The following TALDO1 variants were observed in gnomAD, a reference collection of about 807,000 sequenced individuals.
The protein encoded by TALDO1 is transaldolase 1.
Under a neutral mutation model 38.1 loss-of-function variants are expected in TALDO1, and 29 were observed. That is an observed-to-expected ratio of 0.76 (90% CI 0.57 to 1.04). The LOEUF (loss-of-function observed/expected upper bound fraction) is 1.04. Ranked by LOEUF, TALDO1 falls within the 50% of genes least tolerant of loss-of-function variation. The probability of loss-of-function intolerance (pLI) is 0.00; values close to 1 mark genes in which losing one functional copy is unlikely to be tolerated. For synonymous variants in TALDO1, 207 were observed against 176.8 expected, an observed-to-expected ratio of 1.17 and a Z score of -1.36; for missense variants, 499 against 438.1, an observed-to-expected ratio of 1.14 and a Z score of -1.24.
chr11:755,936 C>T lies in TALDO1; in HGVS notation c.155C>T (p.Ala52Val). 6.2e-7 allele frequency: 1 copy of T among 1,614,154 alleles called. No homozygotes were observed. Among genetic ancestry groups the T allele is most frequent in the Non-Finnish European group, 8.5e-7 (1 of 1,180,018 alleles). ...ACCAACCCGTCCCTGATCCTGGCCG[C>T]AGCACAGATGCCCGCTTACCAGGAG... ...ATTNPSLILA[A>V]AQMPAYQELV... The change falls in exon 2 of 8, where the codon GCA becomes GTA. Residue 52 changes from alanine to valine, a missense_variant. Physicochemically the swap from Ala to Val is moderately conservative, Grantham distance 64. Transcript: ENST00000319006.
At chr11:761,931 C>T (rs1011970897) in intron 4 of TALDO1, among the ~76,000 whole-genome samples, 4 of 151,804 alleles carry the variant, frequency 2.6e-5, no homozygotes, top group African/African-American at 9.7e-5. Context: ...GGATTATAGG[C>T]ATGAGCCATT....
At chr11:763,182 T>TTCACCTGCCCCGCCC (rs751178139) in intron 4 of TALDO1, among the ~76,000 whole-genome samples, 162 bp from the exon 5 acceptor site, 76 of 115,984 alleles carry the variant, frequency 6.6e-4, no homozygotes, top group East Asian at 9.8e-4. Context: ...CTGGCCTGCA[T>TTCACCTGCCCCGCCC]TCACCTGCCC....
At chr11:759,323 G>C (rs566764933) in intron 3 of TALDO1, among the ~76,000 whole-genome samples, 1 of 152,054 alleles carries the variant, frequency 6.6e-6, no homozygotes, top group Non-Finnish European at 1.5e-5. Flanking sequence ...GTACAGTGGC[G>C]CAATCTCAGC....
intron 2 of TALDO1, among the ~76,000 whole-genome samples, chr11:757,993 C>T (rs1435553714): frequency 6.6e-6 from 1 of 152,114 alleles, no homozygotes; most frequent in African/African-American, 2.4e-5. Flanking sequence ...TAAAAATTAG[C>T]TGGGCATGGG....
intron 3 of TALDO1, 98 bp downstream of exon 3, chr11:759,155 T>G: frequency 1.9e-6 from 2 of 1,046,336 alleles, no homozygotes; most frequent in Non-Finnish European, 3.0e-6. Context: ...CCACCCATGG[T>G]CTTCATCCCA....
rs745777729 is a variant in TALDO1, at chr11:747,528, A to G, written c.47A>G (p.Asp16Gly). ...CGTCAGAGGATGGAGTCCGCGCTGG[A>G]CCAGCTCAAGCAGTTCACCACCGTG... The part of the protein sequence containing the change: ...VKRQRMESAL[D>G]QLKQFTTVVA... Residue 16 changes from aspartate (D) to glycine (G), a missense_variant, in exon 1 of 8, where the codon GAC (aspartate) becomes GGC (glycine). Physicochemically the swap from Asp to Gly is moderately conservative, Grantham distance 94. Coordinates refer to ENST00000319006, the MANE Select transcript of TALDO1 (RefSeq NM_006755.2). 1.2e-6 allele frequency: 2 copies of G among 1,600,060 alleles called. No homozygotes were observed. The highest frequency in any genetic ancestry group is 1.7e-6 in the Non-Finnish European group (2 of 1,174,940).
chr11:759,142 G>A (rs1395480392), intron 3 of TALDO1, 85 bp downstream of exon 3: 10 of 1,174,410 alleles, frequency 8.5e-6, no homozygotes, highest in Non-Finnish European at 1.1e-5. Flanking sequence ...TCAAGGGGCT[G>A]CTCCACCCAT....
intron 1 of TALDO1, among the ~76,000 whole-genome samples, chr11:752,773 T>G (rs1294339955): frequency 6.6e-6 from 1 of 152,232 alleles, no homozygotes; most frequent in Non-Finnish European, 1.5e-5. Context: ...CCCTTACTTC[T>G]GTGATCTGCT....
chr11:747,479 G>C lies in TALDO1; in HGVS notation c.-3G>C. ...CCGCCGCCGCAGACCCCTCGGTCTT[G>C]CTATGTCGAGCTCACCCGTGAAGCG... On this transcript the variant is annotated 5_prime_UTR_variant, in exon 1 of 8. Coordinates refer to ENST00000319006, the MANE Select transcript of TALDO1 (RefSeq NM_006755.2). The C allele has an allele frequency of 1.3e-6, 2 of 1,591,438 alleles. No homozygotes were observed. Among genetic ancestry groups the C allele is most frequent in the South Asian group, 1.1e-5 (1 of 87,814 alleles).
At chr11:759,343 CCT>C (rs1361347646) in intron 3 of TALDO1, among the ~76,000 whole-genome samples, 2 of 152,170 alleles carry the variant, frequency 1.3e-5, no homozygotes, top group Non-Finnish European at 2.9e-5. Context: ...CTCACTGCAA[CCT>C]CTGTCTCCCG....
At position 759,018 on chromosome 11, in the gene TALDO1, A is replaced by G. The variant is rs913146515; in HGVS notation, c.290A>G (p.Lys97Arg). The G allele has an allele frequency of 6.2e-7, 1 of 1,613,316 alleles. No homozygotes were observed. Among genetic ancestry groups the G allele is most frequent in the Non-Finnish European group, 8.5e-7 (1 of 1,179,464 alleles). Residue 97 changes from lysine to arginine, a missense_variant, in exon 3 of 8, where the codon AAG (lysine) becomes AGG (arginine). Coordinates refer to ENST00000319006, the MANE Select transcript of TALDO1 (RefSeq NM_006755.2). ...LFVLFGAEIL[K>R]KIPGRVSTEV... ...GTGTTGTTTGGAGCAGAAATACTAAAGAAGATTCCGGGCCGAGTATCCACA... is the reference window on the plus strand; with the variant it reads ...GTGTTGTTTGGAGCAGAAATACTAAGGAAGATTCCGGGCCGAGTATCCACA...
At position 764,992 on chromosome 11, in the gene TALDO1, C is replaced by T. The variant is rs1590072642; in HGVS notation, c.*147C>T. On this transcript the variant is annotated 3_prime_UTR_variant, in exon 8 of 8. Coordinates refer to ENST00000319006, the MANE Select transcript of TALDO1 (RefSeq NM_006755.2). ...ATTTTATGTAAAATTTTGCCTAATA[C>T]ATTAAAGCAGTCACTTTTCCTGTGC... is the stretch of plus-strand genomic sequence containing the variant. 2 of 1,082,878 alleles carry T rather than the reference C, an allele frequency of 1.8e-6. No individual in the cohort carries two copies. The highest frequency in any genetic ancestry group is 5.0e-5 in the East Asian group (2 of 39,612). The allele number at this position is 1,082,878 out of a possible 1,614,324, so 67.1% of individuals were successfully genotyped here. A position where few individuals can be genotyped will look rare whatever the true frequency, so the allele number is the denominator to read the frequency against.
chr11:764,663 T>C (rs1427122863), intron 7 of TALDO1, 150 bp from the exon 8 acceptor site: 1 of 1,379,746 alleles, frequency 7.2e-7, no homozygotes, highest in Admixed American at 1.7e-5. Flanking sequence ...GCCTGTGTGG[T>C]GACTGTGGTA....
chr11:748,073 A>G (rs1862690819), intron 1 of TALDO1, among the ~76,000 whole-genome samples: 1 of 152,268 alleles, frequency 6.6e-6, no homozygotes, highest in African/African-American at 2.4e-5. Flanking sequence ...GGCAGCTTTC[A>G]GAGCCTTTGA....
chr11:759,799 C>T (rs191436390), intron 3 of TALDO1, among the ~76,000 whole-genome samples: 4 of 152,252 alleles, frequency 2.6e-5, no homozygotes, highest in African/African-American at 9.6e-5. Flanking sequence ...CCAGGATGGT[C>T]TCGATCCCTT....
Position 763,855 on chromosome 11 carries a change from G to C in TALDO1, c.746G>C (p.Gly249Ala), listed in dbSNP as rs1441896726. 1 of 1,613,942 alleles carries C rather than the reference G, an allele frequency of 6.2e-7. No individual in the cohort carries two copies. The highest frequency in any genetic ancestry group is 1.3e-5 in the African/African-American group (1 of 75,072). Residue 249 changes from glycine (G) to alanine (A), a missense_variant, in exon 6 of 8, where the codon GGC (glycine) becomes GCC (alanine). Coordinates refer to ENST00000319006, the MANE Select transcript of TALDO1 (RefSeq NM_006755.2). ...ACGGGCGAGATCAAAGCACTGGCCGGCTGTGACTTCCTCACCATCTCACCC... is the reference window on the plus strand; with the variant it reads ...ACGGGCGAGATCAAAGCACTGGCCGCCTGTGACTTCCTCACCATCTCACCC... ...RNTGEIKALA[G>A]CDFLTISPKL...
chr11:749,177 G>A (rs987069193), intron 1 of TALDO1, among the ~76,000 whole-genome samples: 3 of 152,130 alleles, frequency 2.0e-5, no homozygotes. Context: ...GGTTGAGGCA[G>A]GTGGATCACG....
chr11:763,023 G>A (rs1862965612), intron 4 of TALDO1, among the ~76,000 whole-genome samples: 1 of 152,184 alleles, frequency 6.6e-6, no homozygotes, highest in African/African-American at 2.4e-5. Flanking sequence ...CATGTGGGTT[G>A]GAGAAAATCC....
At chr11:757,875 G>A (rs373076020) in intron 2 of TALDO1, among the ~76,000 whole-genome samples, 1 of 152,218 alleles carries the variant, frequency 6.6e-6, no homozygotes, top group Non-Finnish European at 1.5e-5. Context: ...AGTGGTGCAC[G>A]CCTGTAACCC....
Sources: allele counts gnomAD v4.1 joint callset (sites outside exome capture counted in the v4.1 genomes callset), GRCh38; gene constraint gnomAD v4.1.1; transcripts MANE v1.5; gene names NCBI Gene and HGNC (gene_info 2026-07-23, HGNC 2026-07-21).